TRIP12: variants seen among roughly 807,000 people sequenced by gnomAD.
TRIP12 encodes thyroid hormone receptor interactor 12, also known as E3 ubiquitin-protein ligase TRIP12.
A neutral mutation model predicts 244.2 loss-of-function variants in TRIP12; 25 were observed. The observed-to-expected ratio is 0.10, with a 90% CI of 0.07 to 0.14. The LOEUF is 0.14. TRIP12 is among the 10% of genes least tolerant of loss of function. The pLI, the probability that TRIP12 is intolerant of heterozygous loss-of-function variation, is 1.00. For missense variants in TRIP12, 1,677 were observed against 2,486.4 expected (o/e 0.67, Z 6.92); for synonymous variants, 905 against 873.1 (o/e 1.04, Z -0.64).
In TRIP12 at chr2:229,774,301, A is replaced by C; in HGVS notation, c.5530-40T>G. Reference sequence around the variant, plus strand: ...TGGGGGAGAAATGGTGTCAAGCAAAATTAACTTACGGTTGTTTAAAAAAAT... The same window carrying C: ...TGGGGGAGAAATGGTGTCAAGCAAACTTAACTTACGGTTGTTTAAAAAAAT... On this transcript the variant is annotated intron_variant, in intron 37 of 41. Transcript: ENST00000675903. 1.3e-6 allele frequency: 2 copies of C among 1,571,722 alleles called. 1 individual carries two copies.
chr2:229,887,657 T>C (rs1192570946), intron 1 of TRIP12, among the ~76,000 whole-genome samples: 1 of 152,156 alleles, frequency 6.6e-6, no homozygotes, highest in Non-Finnish European at 1.5e-5. Context: ...CAGACAAATA[T>C]AAACCCTAAA....
chr2:229,796,500 A>C, intron 25 of TRIP12, 91 bp downstream of exon 25: 2 of 1,218,384 alleles, frequency 1.6e-6, no homozygotes, highest in Non-Finnish European at 2.2e-6. Flanking sequence ...GTCTTGACCA[A>C]GACCTGCTGG....
intron 1 of TRIP12, among the ~76,000 whole-genome samples, chr2:229,888,940 G>T (rs958649179): frequency 1.3e-5 from 2 of 152,188 alleles, no homozygotes; most frequent in African/African-American, 4.8e-5. Context: ...ATAGCCAGGA[G>T]AGAAGGGAAG....
chr2:229,823,288 G>C (rs1250129753), intron 8 of TRIP12, among the ~76,000 whole-genome samples: 1 of 152,162 alleles, frequency 6.6e-6, no homozygotes, highest in African/African-American at 2.4e-5. Context: ...ATATAGTCAA[G>C]CTATTAAAAA....
intron 17 of TRIP12, among the ~76,000 whole-genome samples, chr2:229,806,611 G>A (rs916289846): frequency 7.2e-5 from 11 of 152,142 alleles, no homozygotes; most frequent in African/African-American, 2.4e-4. Context: ...AAAAGAAGAC[G>A]ACTTAGAGTT....
intron 2 of TRIP12, among the ~76,000 whole-genome samples, chr2:229,865,701 T>TA (rs1309320470): frequency 6.6e-6 from 1 of 152,166 alleles, no homozygotes; most frequent in African/African-American, 2.4e-5. Context: ...TTCTAAAAAT[T>TA]AGATATTTTA....
chr2:229,827,564 G>C (rs922713461), intron 8 of TRIP12, among the ~76,000 whole-genome samples: 1 of 152,078 alleles, frequency 6.6e-6, no homozygotes, highest in Non-Finnish European at 1.5e-5. Context: ...AAGATCATCG[G>C]TATCATTACG....
chr2:229,776,089 CTG>C (rs537996367), intron 37 of TRIP12, among the ~76,000 whole-genome samples: 249 of 152,284 alleles, frequency 1.6e-3, no homozygotes, highest in African/African-American at 5.6e-3. Context: ...AGTTCCTACT[CTG>C]TGTTCTCTAG....
intron 1 of TRIP12, among the ~76,000 whole-genome samples, chr2:229,908,430 G>A (rs894701343): frequency 1.4e-5 from 2 of 139,920 alleles, no homozygotes; most frequent in Non-Finnish European, 2.9e-5. Flanking sequence ...AAGCATCCGC[G>A]TAACGTCTCA....
intron 17 of TRIP12, 118 bp downstream of exon 17, chr2:229,807,590 A>G (rs1487717298): frequency 7.8e-7 from 1 of 1,288,332 alleles, no homozygotes; most frequent in Admixed American, 1.7e-5. Context: ...AAATGAGAGA[A>G]TCTTGAGTTA....
At chr2:229,882,137 A>G (rs985012012) in intron 1 of TRIP12, among the ~76,000 whole-genome samples, 4 of 152,252 alleles carry the variant, frequency 2.6e-5, no homozygotes, top group Admixed American at 1.3e-4. Flanking sequence ...AAGAACTCAC[A>G]TGGCAGTTGT....
At chr2:229,830,922 T>G in intron 6 of TRIP12, 83 bp from the exon 7 acceptor site, 2 of 1,225,120 alleles carry the variant, frequency 1.6e-6, no homozygotes, top group Non-Finnish European at 2.4e-6. Context: ...ACCAAAGTTT[T>G]GCGGACTACA....
intron 4 of TRIP12, among the ~76,000 whole-genome samples, chr2:229,848,027 A>AG (rs2057933908): frequency 6.6e-6 from 1 of 152,114 alleles, no homozygotes; most frequent in African/African-American, 2.4e-5. Flanking sequence ...TCAGGCACTT[A>AG]GGGCTTCACC....
chr2:229,896,299 T>C (rs1576829804), intron 1 of TRIP12, among the ~76,000 whole-genome samples: 1 of 152,242 alleles, frequency 6.6e-6, no homozygotes, highest in East Asian at 1.9e-4. Context: ...ACTGTTTTAC[T>C]TTGTAAAACA....
At chr2:229,879,910 C>G (rs940214469) in intron 2 of TRIP12, 72 bp downstream of exon 2, 1 of 1,541,580 alleles carries the variant, frequency 6.5e-7, no homozygotes, top group East Asian at 2.2e-5. Flanking sequence ...AAGTTTTGGA[C>G]CTCGCAAGGA....
chr2:229,911,833 A>G (rs1461667172), intron 1 of TRIP12, among the ~76,000 whole-genome samples: 2 of 152,210 alleles, frequency 1.3e-5, no homozygotes, highest in African/African-American at 2.4e-5. Context: ...TGTACTTTTT[A>G]AAAGTATTTA....
In TRIP12 at chr2:229,811,015, G is replaced by C; in HGVS notation, c.2086C>G (p.Leu696Val). ...AACAGCTGTTGAACATTTGTAAGCA[G>C]ATCTTTGGAAGCAACCTGCTGGAGT... ...NLLQQVASKDLLTNVQQLLVV... is the reference protein window; with the variant it reads ...NLLQQVASKDVLTNVQQLLVV... Residue 696 changes from leucine (L) to valine (V), a missense_variant, in exon 15 of 42, where the codon CTG (leucine) becomes GTG (valine). Coordinates refer to ENST00000675903, the MANE Select transcript of TRIP12 (RefSeq NM_001348323.3). 6.2e-7 allele frequency: 1 copy of C among 1,614,026 alleles called. No individual in the cohort carries two copies. The highest frequency in any genetic ancestry group is 1.1e-5 in the South Asian group (1 of 91,058).
At chr2:229,803,372 C>T (rs1026586851) in intron 20 of TRIP12, among the ~76,000 whole-genome samples, 199 bp downstream of exon 20, 1 of 152,190 alleles carries the variant, frequency 6.6e-6, no homozygotes. Context: ...CCTTGGCCTC[C>T]CAAAGTGCTG....
intron 4 of TRIP12, 128 bp from the exon 5 acceptor site, chr2:229,841,055 T>C (rs1344512427): frequency 1.5e-6 from 1 of 662,630 alleles, no homozygotes; most frequent in Non-Finnish European, 2.5e-6. Context: ...CCAGCAGTAT[T>C]ACTAGCTTTA....
Sources: gnomAD v4.1 joint callset for allele counts (sites outside exome capture counted in the v4.1 genomes callset) on GRCh38, gnomAD v4.1.1 for gene constraint, MANE v1.5 for transcripts, NCBI Gene and HGNC (gene_info 2026-07-23, HGNC 2026-07-21) for gene names.